Variants in ATRNL1 observed in about 807,000 individuals in gnomAD.
ATRNL1 encodes attractin like 1, also known as attractin-like protein 1.
A neutral mutation model predicts 182.7 loss-of-function variants in ATRNL1; 95 were observed. The observed-to-expected ratio is 0.52, with a 90% CI of 0.44 to 0.62. ATRNL1 has a LOEUF of 0.62. Ranked by LOEUF, ATRNL1 falls within the 20% of genes least tolerant of loss-of-function variation. The pLI is 0.00. For synonymous variants in ATRNL1, 576 were observed against 568.3 expected (o/e 1.01, Z -0.19); for missense variants, 1,471 against 1,679.5 (o/e 0.88, Z 2.17).
At chr10:115,747,324 A>C (rs778912609) in intron 27 of ATRNL1, among the ~76,000 whole-genome samples, 4 of 152,108 alleles carry the variant, frequency 2.6e-5, no homozygotes, top group Admixed American at 6.6e-5. Context: ...CATTCTTCCA[A>C]ATAGCTGATA....
At chr10:115,603,522 A>G (rs1592933128) in intron 26 of ATRNL1, among the ~76,000 whole-genome samples, 1 of 152,316 alleles carries the variant, frequency 6.6e-6, no homozygotes, top group East Asian at 1.9e-4. Flanking sequence ...CATATTTATT[A>G]TTATATCACA....
intron 27 of ATRNL1, among the ~76,000 whole-genome samples, chr10:115,838,258 T>C (rs539203025): frequency 6.6e-6 from 1 of 152,330 alleles, no homozygotes; most frequent in East Asian, 1.9e-4. Flanking sequence ...TTGCAAAGGC[T>C]ACTCCGTCTA....
intron 25 of ATRNL1, among the ~76,000 whole-genome samples, chr10:115,542,353 T>A (rs893157694): frequency 6.6e-6 from 1 of 152,080 alleles, no homozygotes; most frequent in Non-Finnish European, 1.5e-5. Context: ...CTAGTAGATT[T>A]TATTCTTTCC....
At chr10:115,764,355 A>C (rs2960704) in intron 27 of ATRNL1, among the ~76,000 whole-genome samples, 2 of 152,036 alleles carry the variant, frequency 1.3e-5, no homozygotes, top group African/African-American at 4.8e-5. Context: ...TCACTCTTTG[A>C]GTTTTACCTT....
intron 6 of ATRNL1, 66 bp downstream of exon 6, chr10:115,160,280 T>A (rs1447741651): frequency 6.9e-6 from 10 of 1,451,674 alleles, no homozygotes; most frequent in Non-Finnish European, 9.4e-6. Context: ...TGTCTTTTTT[T>A]TTTAATTGTT....
intron 26 of ATRNL1, among the ~76,000 whole-genome samples, chr10:115,553,308 G>A (rs747466953): frequency 6.6e-6 from 1 of 151,022 alleles, no homozygotes; most frequent in Admixed American, 6.6e-5. Flanking sequence ...GCAAAGGAAG[G>A]GTTATTTTTA....
intron 19 of ATRNL1, among the ~76,000 whole-genome samples, chr10:115,375,109 T>G (rs1857602317): frequency 6.6e-6 from 1 of 151,864 alleles, no homozygotes; most frequent in South Asian, 2.1e-4. Context: ...TATTGTAGTC[T>G]ATCTGTCTTT....
chr10:115,921,410 G>C (rs1555118736), intron 28 of ATRNL1, among the ~76,000 whole-genome samples: 1 of 152,150 alleles, frequency 6.6e-6, no homozygotes, highest in South Asian at 2.1e-4. Context: ...TTGTATGTCA[G>C]TCATGCCTCT....
chr10:115,606,817 C>G (rs1177489352), intron 26 of ATRNL1, among the ~76,000 whole-genome samples: 1 of 151,950 alleles, frequency 6.6e-6, no homozygotes, highest in South Asian at 2.1e-4. Context: ...TGCTTTAAAT[C>G]AGTTTATTTT....
At chr10:115,572,153 A>G (rs1854430330) in intron 26 of ATRNL1, among the ~76,000 whole-genome samples, 2 of 152,150 alleles carry the variant, frequency 1.3e-5, no homozygotes, top group African/African-American at 4.8e-5. Context: ...TAAATATATT[A>G]CAATTCATTT....
intron 1 of ATRNL1, 101 bp downstream of exon 1, chr10:115,094,144 T>G: frequency 8.6e-7 from 1 of 1,166,566 alleles, no homozygotes; most frequent in Non-Finnish European, 1.1e-6. Context: ...TCGCTGCCTC[T>G]GATCCCCCGG....
intron 28 of ATRNL1, among the ~76,000 whole-genome samples, chr10:115,871,473 G>GTATATATATA (rs1391895391): frequency 7.3e-4 from 11 of 15,020 alleles, no homozygotes; most frequent in African/African-American, 1.5e-3. Context: ...GATTCTTTGT[G>GTATATATATA]TGTGTGTATA....
chr10:115,405,128 A>G (rs749249609), intron 20 of ATRNL1, among the ~76,000 whole-genome samples: 35 of 152,174 alleles, frequency 2.3e-4, no homozygotes, highest in Non-Finnish European at 4.9e-4. Flanking sequence ...CACTTTAAGC[A>G]TTTATTTTAC....
chr10:115,628,165 G>A (rs932772674), intron 26 of ATRNL1, among the ~76,000 whole-genome samples: 1 of 148,844 alleles, frequency 6.7e-6, no homozygotes, highest in South Asian at 2.2e-4. Flanking sequence ...AAAAAAGAAA[G>A]AAAAAAAAAG....
At chr10:115,678,150 A>G (rs1416126266) in intron 26 of ATRNL1, among the ~76,000 whole-genome samples, 6 of 152,126 alleles carry the variant, frequency 3.9e-5, no homozygotes, top group African/African-American at 1.4e-4. Flanking sequence ...GATATAAAAA[A>G]TAATAATTCA....
At chr10:115,254,194 C>T (rs547580869) in intron 10 of ATRNL1, among the ~76,000 whole-genome samples, 2 of 152,150 alleles carry the variant, frequency 1.3e-5, no homozygotes, top group African/African-American at 4.8e-5. Flanking sequence ...AGTTCTAAAT[C>T]CTTGAGGAAT....
intron 8 of ATRNL1, among the ~76,000 whole-genome samples, chr10:115,178,823 C>T (rs1351788031): frequency 1.3e-5 from 2 of 152,166 alleles, no homozygotes; most frequent in African/African-American, 4.8e-5. Flanking sequence ...CCAAAGCTGC[C>T]AGCACCTTGA....
chr10:115,811,095 T>G (rs1205443006), intron 27 of ATRNL1, among the ~76,000 whole-genome samples: 2 of 151,926 alleles, frequency 1.3e-5, no homozygotes, highest in Non-Finnish European at 2.9e-5. Flanking sequence ...ACATTTTTTC[T>G]TTCTTAGTAT....
chr10:115,705,497 C>T (rs1030541271), intron 26 of ATRNL1, among the ~76,000 whole-genome samples: 3 of 151,878 alleles, frequency 2.0e-5, no homozygotes, highest in African/African-American at 4.8e-5. Context: ...AATCTGTTCT[C>T]TACTACAGGA....
Sources: gnomAD v4.1 joint callset for allele counts (sites outside exome capture counted in the v4.1 genomes callset) on GRCh38, gnomAD v4.1.1 for gene constraint, MANE v1.5 for transcripts, NCBI Gene and HGNC (gene_info 2026-07-23, HGNC 2026-07-21) for gene names.